IFT43: variants seen among roughly 807,000 people sequenced by gnomAD.
The protein encoded by IFT43 is intraflagellar transport protein 43 homolog.
Under a neutral mutation model 32.3 loss-of-function variants are expected in IFT43, and 33 were observed. The observed-to-expected ratio is 1.02, with a 90% CI of 0.77 to 1.37. IFT43 has a LOEUF of 1.37. Among genes scored for constraint, IFT43 ranks in the 40% most tolerant of loss-of-function variants. The probability of loss-of-function intolerance (pLI) is 0.00; values close to 1 mark genes in which losing one functional copy is unlikely to be tolerated. For synonymous variants in IFT43, 93 were observed against 98.2 expected (o/e 0.95, Z 0.31); for missense variants, 274 against 265.9 (o/e 1.03, Z -0.21).
chr14:76,052,209 C>T (rs1231370584), intron 3 of IFT43, among the ~76,000 whole-genome samples: 1 of 152,216 alleles, frequency 6.6e-6, no homozygotes, highest in Non-Finnish European at 1.5e-5. Flanking sequence ...TGAACATTGT[C>T]ATGCTGCATA....
intron 3 of IFT43, among the ~76,000 whole-genome samples, chr14:76,034,842 A>G (rs1213912843): frequency 6.6e-6 from 1 of 152,220 alleles, no homozygotes; most frequent in African/African-American, 2.4e-5. Flanking sequence ...AGTCATAGCT[A>G]TGCCAGAGAT....
At chr14:75,988,766 C>T in intron 1 of IFT43, 119 bp from the exon 2 acceptor site, 1 of 1,463,082 alleles carries the variant, frequency 6.8e-7, no homozygotes, top group Non-Finnish European at 9.5e-7. Context: ...GATCTGCCTG[C>T]CTCGTCCTCC....
At chr14:76,037,601 A>G (rs2036625046) in intron 3 of IFT43, among the ~76,000 whole-genome samples, 1 of 152,098 alleles carries the variant, frequency 6.6e-6, no homozygotes, top group African/African-American at 2.4e-5. Flanking sequence ...GAAAAGTTGC[A>G]GTATTAGTAC....
intron 3 of IFT43, among the ~76,000 whole-genome samples, chr14:76,038,346 A>G (rs1053448307): frequency 6.6e-6 from 1 of 151,960 alleles, no homozygotes; most frequent in African/African-American, 2.4e-5. Flanking sequence ...CTCTGTCTCA[A>G]TTTCACCGTC....
chr14:75,989,163 T>G (rs2035589074), intron 2 of IFT43, among the ~76,000 whole-genome samples, 186 bp downstream of exon 2: 1 of 152,218 alleles, frequency 6.6e-6, no homozygotes, highest in Non-Finnish European at 1.5e-5. Flanking sequence ...TTTTTTTCCT[T>G]GATGCCAGAC....
At chr14:76,047,846 C>T (rs1342279562) in intron 3 of IFT43, among the ~76,000 whole-genome samples, 4 of 151,052 alleles carry the variant, frequency 2.6e-5, no homozygotes, top group African/African-American at 9.8e-5. Context: ...TGGGGGTTGT[C>T]AGAATGGAGA....
chr14:76,037,683 C>T (rs1039963280), intron 3 of IFT43, among the ~76,000 whole-genome samples: 1 of 98,932 alleles, frequency 1.0e-5, no homozygotes, highest in Non-Finnish European at 2.0e-5. Flanking sequence ...GCTTTTCCCT[C>T]ATTCTCTGTT....
chr14:76,074,096 T>C (rs2037371184), intron 5 of IFT43, among the ~76,000 whole-genome samples: 1 of 152,100 alleles, frequency 6.6e-6, no homozygotes, highest in African/African-American at 2.4e-5. Flanking sequence ...AACCTAAGGA[T>C]TTAGAATAAA....
At chr14:76,008,206 C>G (rs1199094933) in intron 2 of IFT43, among the ~76,000 whole-genome samples, 1 of 152,118 alleles carries the variant, frequency 6.6e-6, no homozygotes, top group Non-Finnish European at 1.5e-5. Flanking sequence ...AAGGATATCT[C>G]TCTCTTCAGG....
intron 2 of IFT43, among the ~76,000 whole-genome samples, chr14:76,010,089 C>T (rs1013551112): frequency 5.3e-5 from 8 of 152,122 alleles, no homozygotes; most frequent in Non-Finnish European, 1.2e-4. Flanking sequence ...CCACCCTGCC[C>T]GGCCTCTAGT....
At chr14:75,988,110 C>T (rs1167420309) in intron 1 of IFT43, among the ~76,000 whole-genome samples, 2 of 152,246 alleles carry the variant, frequency 1.3e-5, no homozygotes, top group Non-Finnish European at 2.9e-5. Context: ...GAATTTGTAA[C>T]TGCATTTCTT....
intron 2 of IFT43, among the ~76,000 whole-genome samples, chr14:75,999,322 C>G (rs1477811383): frequency 1.3e-4 from 17 of 126,470 alleles, no homozygotes; most frequent in Non-Finnish European, 9.5e-5. Context: ...GAGACACAAT[C>G]TCACTGTGTT....
chr14:75,993,726 TCTG>T, intron 2 of IFT43, among the ~76,000 whole-genome samples: 1 of 152,350 alleles, frequency 6.6e-6, no homozygotes, highest in Admixed American at 6.5e-5. Context: ...AGCTTCCTGC[TCTG>T]CTATCTGGAG....
rs1381144350 is a variant in IFT43 at position 76,010,995 on chromosome 14, T to C, written c.148-11332T>C. Among the ~76,000 whole-genome samples the C allele has an allele frequency of 3.3e-5, 5 of 151,796 alleles. No homozygotes were observed. The East Asian group carries it at 9.7e-4, about 29-fold the overall frequency. The stretch of plus-strand genomic sequence containing the variant: ...ATAGCTCAGTGTAGCCTCAACCTCA[T>C]GGGCTCAAGTGATCTTCTCACCTTA... On this transcript the variant is annotated intron_variant, in intron 2 of 8. Coordinates refer to ENST00000314067, the MANE Select transcript of IFT43 (RefSeq NM_001102564.3).
intron 5 of IFT43, among the ~76,000 whole-genome samples, chr14:76,061,814 T>A (rs1400875301): frequency 6.6e-6 from 1 of 152,316 alleles, no homozygotes; most frequent in South Asian, 2.1e-4. Flanking sequence ...TATGGCATAT[T>A]TGCATTATGC....
At chr14:76,010,559 A>C (rs1393531378) in intron 2 of IFT43, among the ~76,000 whole-genome samples, 1 of 152,090 alleles carries the variant, frequency 6.6e-6, no homozygotes, top group Non-Finnish European at 1.5e-5. Flanking sequence ...ATATTTGCTT[A>C]AATTATAATT....
intron 5 of IFT43, among the ~76,000 whole-genome samples, chr14:76,073,028 T>C (rs1004624832): frequency 2.0e-5 from 3 of 152,160 alleles, no homozygotes; most frequent in African/African-American, 7.2e-5. Flanking sequence ...AGGGAGATCT[T>C]AGACTGCTTT....
In IFT43 at chr14:76,065,122, T is replaced by C. The variant is rs112405685; in HGVS notation, c.295+5749T>C. On this transcript the variant is annotated intron_variant, in intron 5 of 8. Transcript: ENST00000314067. Reference sequence around the variant, plus strand: ...AGGACATCTCGTCCAGACCTGTCCTTTGTCATGTTAAGAAAGTGAAGTTCA... The same window carrying C: ...AGGACATCTCGTCCAGACCTGTCCTCTGTCATGTTAAGAAAGTGAAGTTCA... 4.5e-4 allele frequency among the ~76,000 whole-genome samples: 68 copies of C among 152,290 alleles called. 2 individuals carry two copies. The highest frequency in any genetic ancestry group is 1.3e-3 in the African/African-American group (56 of 41,550).
chr14:76,067,934 T>G (rs1000627213), intron 5 of IFT43, among the ~76,000 whole-genome samples: 43 of 152,236 alleles, frequency 2.8e-4, no homozygotes, highest in African/African-American at 1.0e-3. Flanking sequence ...ATCTGCAAGT[T>G]GGATTAGACC....
Sources: gnomAD v4.1 joint callset for allele counts (sites outside exome capture counted in the v4.1 genomes callset) on GRCh38, gnomAD v4.1.1 for gene constraint, MANE v1.5 for transcripts, NCBI Gene and HGNC (gene_info 2026-07-23, HGNC 2026-07-21) for gene names.